The following CACNA2D4 variants were observed in gnomAD, a reference collection of about 807,000 sequenced individuals.
The protein encoded by CACNA2D4 is voltage-dependent calcium channel subunit alpha-2/delta-4.
A neutral mutation model predicts 163.8 loss-of-function variants in CACNA2D4; 157 were observed. The observed-to-expected ratio is 0.96, with a 90% CI of 0.84 to 1.09. The LOEUF is 1.09. CACNA2D4 is among the 50% of genes least tolerant of loss of function. The pLI is 0.00. For synonymous variants in CACNA2D4, 598 were observed against 586.9 expected (o/e 1.02, Z -0.27); for missense variants, 1,410 against 1,479.9 (o/e 0.95, Z 0.78).
intron 18 of CACNA2D4, among the ~76,000 whole-genome samples, chr12:1,860,872 C>G (rs1865509382): frequency 6.6e-6 from 1 of 152,232 alleles, no homozygotes; most frequent in African/African-American, 2.4e-5. Context: ...AAGGGCATGG[C>G]TGGGCTTAGA....
chr12:1,828,048 C>A lies in CACNA2D4; in HGVS notation c.2551+12691G>T. ...GCTGGAACGGGGCTCCCGCGCCTGC[C>A]TGTGCTCAGTGCTCCTCCCTCCCTC... is the stretch of plus-strand genomic sequence containing the variant. On this transcript the variant is annotated intron_variant, in intron 26 of 37. Transcript: ENST00000382722. The surrounding 1 kb of genome is among the most constrained non-coding windows in gnomAD (Gnocchi z 4.2). 1 of 1,181,150 alleles carries A rather than the reference C, an allele frequency of 8.5e-7. No individual in the cohort carries two copies. The highest frequency in any genetic ancestry group is 1.1e-6 in the Non-Finnish European group (1 of 881,710). The allele number at this position is 1,181,150 out of a possible 1,614,324, so 73.2% of individuals were successfully genotyped here. A position where few individuals can be genotyped will look rare whatever the true frequency, so the allele number is the denominator to read the frequency against.
chr12:1,801,700 G>T, intron 29 of CACNA2D4, 56 bp from the exon 30 acceptor site: 1 of 1,242,848 alleles, frequency 8.0e-7, no homozygotes, highest in Non-Finnish European at 1.1e-6. Context: ...GCAGGATGGA[G>T]CCTTCCGAGT....
At chr12:1,816,407 C>T (rs916610893) in intron 26 of CACNA2D4, among the ~76,000 whole-genome samples, 2 of 152,164 alleles carry the variant, frequency 1.3e-5, no homozygotes, top group Admixed American at 6.5e-5. Flanking sequence ...CCTGTCATGA[C>T]CTGAAAGAGG....
At chr12:1,796,425 G>A (rs1020496104) in intron 35 of CACNA2D4, among the ~76,000 whole-genome samples, 2 of 152,272 alleles carry the variant, frequency 1.3e-5, no homozygotes, top group Non-Finnish European at 2.9e-5. Context: ...GCAGATGAGA[G>A]AATGGAGACT....
At chr12:1,813,387 C>G (rs957803325) in intron 26 of CACNA2D4, among the ~76,000 whole-genome samples, 4 of 152,148 alleles carry the variant, frequency 2.6e-5, no homozygotes, top group African/African-American at 9.7e-5. Context: ...GTCCTAAAGC[C>G]TCACCAATTG....
intron 6 of CACNA2D4, among the ~76,000 whole-genome samples, chr12:1,889,586 C>T (rs547559503): frequency 6.6e-6 from 1 of 152,068 alleles, no homozygotes; most frequent in Non-Finnish European, 1.5e-5. Flanking sequence ...AGCCGCCCCC[C>T]CCAGTAGCTG....
Position 1,883,038 on chromosome 12 carries a change from G to C in CACNA2D4, c.1352-38C>G. On this transcript the variant is annotated intron_variant, in intron 12 of 37. Coordinates refer to ENST00000382722, the MANE Select transcript of CACNA2D4 (RefSeq NM_172364.5). The surrounding 1 kb of genome is among the most constrained non-coding windows in gnomAD (Gnocchi z 4.5). ...AGGCCGCGTGGGTGTGGAAGGCAGGGCTTCCCTGGGAACCCCTCGCCAGGG... is the reference window on the plus strand; with the variant it reads ...AGGCCGCGTGGGTGTGGAAGGCAGGCCTTCCCTGGGAACCCCTCGCCAGGG... 6.3e-7 allele frequency: 1 copy of C among 1,595,220 alleles called. No individual in the cohort carries two copies. Among genetic ancestry groups the C allele is most frequent in the Non-Finnish European group, 8.5e-7 (1 of 1,170,296 alleles).
At chr12:1,890,109 C>G (rs1418188623) in intron 6 of CACNA2D4, among the ~76,000 whole-genome samples, 1 of 152,176 alleles carries the variant, frequency 6.6e-6, no homozygotes, top group Non-Finnish European at 1.5e-5. Context: ...CACATTCCCA[C>G]CATGGATTCC....
chr12:1,792,786 AT>A lies in CACNA2D4; in HGVS notation c.*868del, dbSNP rs1863011435. Reference sequence around the variant, plus strand: ...TCACTCCAGGGACAGAGTCAAGTAGATTCTTTTGTAAATCATTGGCCAGAAA... The same window carrying A: ...TCACTCCAGGGACAGAGTCAAGTAGATCTTTTGTAAATCATTGGCCAGAAA... On this transcript the variant is annotated 3_prime_UTR_variant, in exon 38 of 38. Transcript: ENST00000382722. 6.6e-6 allele frequency: 1 copy of A among 152,126 alleles called. No homozygotes were observed. The highest frequency in any genetic ancestry group is 2.1e-4 in the South Asian group (1 of 4,820). 9.4% of individuals were successfully genotyped at this position (152,126 alleles called of 1,614,324 possible). A position where few individuals can be genotyped will look rare whatever the true frequency, so the allele number is the denominator to read the frequency against.
intron 35 of CACNA2D4, among the ~76,000 whole-genome samples, chr12:1,796,265 C>T (rs952781019): frequency 1.3e-5 from 2 of 152,212 alleles, no homozygotes; most frequent in African/African-American, 2.4e-5. Flanking sequence ...AGCCCGCCCG[C>T]CAGGCCCACG....
chr12:1,802,843 A>T lies in CACNA2D4; in HGVS notation c.2722-1199T>A, dbSNP rs1457715687. 6.6e-6 allele frequency among the ~76,000 whole-genome samples: 1 copy of T among 152,306 alleles called. No individual in the cohort carries two copies. Among genetic ancestry groups the T allele is most frequent in the East Asian group, 1.9e-4 (1 of 5,186 alleles). On this transcript the variant is annotated intron_variant, in intron 29 of 37. Transcript: ENST00000382722. The surrounding 1 kb of genome is among the most constrained non-coding windows in gnomAD (Gnocchi z 4.7). ...CAGCCAGAACAAGGCCTTCCTCTGC[A>T]CACCGGCAGCCTGTGGAGTCCTAGT... is the stretch of plus-strand genomic sequence containing the variant.
chr12:1,817,883 TG>T (rs1383850809), intron 26 of CACNA2D4, among the ~76,000 whole-genome samples: 2 of 152,050 alleles, frequency 1.3e-5, no homozygotes, highest in Admixed American at 6.5e-5. Context: ...GTGCCGAGAT[TG>T]CAGCCTCTGC....
chr12:1,821,673 G>T (rs760140646), intron 26 of CACNA2D4, among the ~76,000 whole-genome samples: 4 of 152,172 alleles, frequency 2.6e-5, no homozygotes, highest in Admixed American at 6.5e-5. Flanking sequence ...CACACAGGGG[G>T]CATGGACACC....
intron 36 of CACNA2D4, 36 bp downstream of exon 36, chr12:1,795,632 C>A: frequency 7.0e-7 from 1 of 1,422,704 alleles, no homozygotes. Flanking sequence ...ACAGCCCCCG[C>A]CCCCACCGCA....
In CACNA2D4 at chr12:1,797,447, G is replaced by T. The variant is rs527356024; in HGVS notation, c.3084C>A (p.Asn1028Lys). 1.3e-5 allele frequency: 20 copies of T among 1,572,054 alleles called. No homozygotes were observed. In the African/African-American group the frequency reaches 2.6e-4, roughly 20 times the overall value. ...GGCAGGGCCCGCACTCCACGATCCC[G>T]TTGGCCTCCCGGATGGCCGGCTGGT... Reference protein sequence around the residue: ...FVYQPAIREANGIVECGPCQK... With the variant: ...FVYQPAIREAKGIVECGPCQK... Residue 1028 changes from asparagine to lysine, a missense_variant, in exon 35 of 38, where the codon AAC becomes AAA. By Grantham distance (94) the Asn-to-Lys change is moderately conservative. Coordinates refer to ENST00000382722, the MANE Select transcript of CACNA2D4 (RefSeq NM_172364.5).
At chr12:1,859,042 G>A (rs1225844247) in intron 19 of CACNA2D4, among the ~76,000 whole-genome samples, 1 of 152,114 alleles carries the variant, frequency 6.6e-6, no homozygotes, top group East Asian at 1.9e-4. Context: ...CCTCTCCTTG[G>A]CTGAACATCA....
intron 37 of CACNA2D4, among the ~76,000 whole-genome samples, chr12:1,794,597 G>C (rs7298207): frequency 0.021 from 3,222 of 152,220 alleles, 120 homozygotes; most frequent in African/African-American, 0.072. Flanking sequence ...TGTTAGCGTG[G>C]CTCACTCAAC....
chr12:1,912,997 C>T (rs377618243), intron 3 of CACNA2D4, 26 bp downstream of exon 3: 5 of 1,475,048 alleles, frequency 3.4e-6, no homozygotes, highest in Non-Finnish European at 4.7e-6. Context: ...GGGAGAAACG[C>T]CCTGCAGATC....
Position 1,894,436 on chromosome 12 carries a change from A to G in CACNA2D4, c.782-7367T>C, listed in dbSNP as rs115448480. Among the ~76,000 whole-genome samples the G allele has an allele frequency of 7.3e-3, 1,108 of 152,312 alleles. 13 individuals are homozygous for G. The highest frequency in any genetic ancestry group is 0.025 in the African/African-American group (1,044 of 41,572). On this transcript the variant is annotated intron_variant, in intron 6 of 37. Coordinates refer to ENST00000382722, the MANE Select transcript of CACNA2D4 (RefSeq NM_172364.5). ...AACCAGATAAAGACACAACAACAAC[A>G]AAAGAAAACTACAGGCCAGTATCTC...
Sources: gnomAD v4.1 joint callset for allele counts (sites outside exome capture counted in the v4.1 genomes callset) on GRCh38, gnomAD v4.1.1 for gene constraint, Gnocchi (gnomAD v3.1) non-coding constraint, MANE v1.5 for transcripts, NCBI Gene and HGNC (gene_info 2026-07-23, HGNC 2026-07-21) for gene names.